Variants in PALM2AKAP2 observed in about 807,000 individuals in gnomAD.
PALM2AKAP2 encodes PALM2-AKAP2 fusion protein.
A neutral mutation model predicts 71.5 loss-of-function variants in PALM2AKAP2; 37 were observed. The observed-to-expected ratio is 0.52, with a 90% CI of 0.40 to 0.68. The LOEUF is 0.68. Among genes scored for constraint, PALM2AKAP2 ranks in the 30% least tolerant of loss-of-function variants. The pLI, the probability that PALM2AKAP2 is intolerant of heterozygous loss-of-function variation, is 0.00. For synonymous variants in PALM2AKAP2, 468 were observed against 478.8 expected (o/e 0.98, Z 0.29); for missense variants, 1,224 against 1,191.8 (o/e 1.03, Z -0.40).
chr9:109,961,510 TAGA>T (rs71961113), intron 6 of PALM2AKAP2, among the ~76,000 whole-genome samples: 36,411 of 152,100 alleles, frequency 0.24, 5,227 homozygotes, highest in East Asian at 0.7. Context: ...AGTGGCCACT[TAGA>T]AGAAAGATTT....
chr9:109,751,747 A>G (rs1828889226), intron 1 of PALM2AKAP2, among the ~76,000 whole-genome samples: 1 of 152,204 alleles, frequency 6.6e-6, no homozygotes. Context: ...CCGTTCAAAA[A>G]TGTCATCTGA....
At chr9:109,904,820 A>G (rs758369605) in intron 3 of PALM2AKAP2, among the ~76,000 whole-genome samples, 15 of 152,240 alleles carry the variant, frequency 9.9e-5, no homozygotes, top group Non-Finnish European at 2.1e-4. Context: ...CAAGTGGACT[A>G]TCAGATCATC....
At chr9:110,041,097 C>T (rs938800643) in intron 7 of PALM2AKAP2, among the ~76,000 whole-genome samples, 1 of 152,126 alleles carries the variant, frequency 6.6e-6, no homozygotes, top group Non-Finnish European at 1.5e-5. Flanking sequence ...TGGCTACATT[C>T]ATGTCATTAT....
At chr9:110,083,874 T>G (rs1834503362) in intron 1 of PALM2AKAP2, among the ~76,000 whole-genome samples, 2 of 152,212 alleles carry the variant, frequency 1.3e-5, no homozygotes. Context: ...TAACAAGTTT[T>G]CAGAAAGTAA....
exon 4 of PALM2AKAP2, chr9:110,170,877 C>G (rs1460399230): frequency 6.6e-6 from 1 of 152,482 alleles, no homozygotes; most frequent in Non-Finnish European, 1.5e-5. Flanking sequence ...GTTCCCAAAG[C>G]AGACACAGGG....
intron 1 of PALM2AKAP2, chr9:109,867,164 C>CTGTGTGTGTG (rs56194780): frequency 0.037 from 14,758 of 396,408 alleles, 295 homozygotes; most frequent in Admixed American, 0.078. Flanking sequence ...ACATGGTTCT[C>CTGTGTGTGTG]TGTGTGTGTG....
chr9:110,003,128 T>C (rs1355815294), intron 6 of PALM2AKAP2, among the ~76,000 whole-genome samples: 1 of 152,224 alleles, frequency 6.6e-6, no homozygotes, highest in African/African-American at 2.4e-5. Context: ...GATGTTAGGG[T>C]GTCAATTTTA....
At chr9:109,782,732 G>A (rs1244799314) in intron 1 of PALM2AKAP2, among the ~76,000 whole-genome samples, 3 of 143,914 alleles carry the variant, frequency 2.1e-5, no homozygotes, top group African/African-American at 8.2e-5. Context: ...TTTGCTAACA[G>A]CGTGTGTTTG....
At chr9:109,876,508 A>G (rs1587978606) in intron 2 of PALM2AKAP2, among the ~76,000 whole-genome samples, 2 of 151,950 alleles carry the variant, frequency 1.3e-5, no homozygotes, top group African/African-American at 4.8e-5. Flanking sequence ...AGACAGAGTC[A>G]TGCTCTGTTG....
At chr9:109,778,949 T>C (rs566407003), upstream of PALM2AKAP2, among the ~76,000 whole-genome samples, 15 of 152,042 alleles carry the variant, frequency 9.9e-5, no homozygotes, top group Non-Finnish European at 1.9e-4. Context: ...TTTGTATTTT[T>C]AGTAGAGAAG....
At chr9:110,130,418 G>A (rs1835707551) in intron 1 of PALM2AKAP2, among the ~76,000 whole-genome samples, 1 of 152,098 alleles carries the variant, frequency 6.6e-6, no homozygotes, top group Non-Finnish European at 1.5e-5. Context: ...GGAGACATAG[G>A]CACCTGTGTT....
chr9:110,048,928 G>T (rs1020750268), intron 1 of PALM2AKAP2: 1 of 1,411,202 alleles, frequency 7.1e-7, no homozygotes, highest in Non-Finnish European at 9.2e-7. Context: ...CGAGGAAGGG[G>T]TTGCCGAGGA....
intron 3 of PALM2AKAP2, among the ~76,000 whole-genome samples, chr9:109,903,166 G>T (rs1020964661): frequency 6.6e-6 from 1 of 152,078 alleles, no homozygotes; most frequent in Admixed American, 6.5e-5. Flanking sequence ...TGAGCCAGCC[G>T]CAGGGAGGAA....
chr9:109,745,123 T>A (rs1007129228), intron 1 of PALM2AKAP2, among the ~76,000 whole-genome samples: 27 of 152,182 alleles, frequency 1.8e-4, no homozygotes, highest in Non-Finnish European at 1.5e-5. Context: ...TTTCATAGAA[T>A]GGCAGGGCAT....
At chr9:110,113,363 C>T (rs559841594) in intron 1 of PALM2AKAP2, among the ~76,000 whole-genome samples, 34 of 151,636 alleles carry the variant, frequency 2.2e-4, no homozygotes, top group Admixed American at 1.6e-3. Context: ...TTCAGCCTCC[C>T]GGGTAGCTGG....
At chr9:109,709,671 A>G (rs1441621339) in intron 1 of PALM2AKAP2, among the ~76,000 whole-genome samples, 2 of 152,194 alleles carry the variant, frequency 1.3e-5, no homozygotes, top group Admixed American at 6.5e-5. Context: ...CTTTGGTAGC[A>G]TGAATAGAAA....
At chr9:109,850,892 T>C (rs1234929369) in intron 1 of PALM2AKAP2, among the ~76,000 whole-genome samples, 1 of 152,068 alleles carries the variant, frequency 6.6e-6, no homozygotes, top group Non-Finnish European at 1.5e-5. Flanking sequence ...AACTACCTGG[T>C]AGTGGCCGGG....
chr9:109,654,928 C>A (rs1376172620), intron 1 of PALM2AKAP2, among the ~76,000 whole-genome samples: 1 of 152,168 alleles, frequency 6.6e-6, no homozygotes, highest in Non-Finnish European at 1.5e-5. Flanking sequence ...AGATCAAAAT[C>A]CCCAATTTTC....
intron 3 of PALM2AKAP2, among the ~76,000 whole-genome samples, chr9:110,166,965 T>C (rs1377493623): frequency 6.6e-6 from 1 of 152,140 alleles, no homozygotes; most frequent in African/African-American, 2.4e-5. Context: ...GACTCACAGT[T>C]CCACATGGCT....
Sources: allele counts gnomAD v4.1 joint callset (sites outside exome capture counted in the v4.1 genomes callset), GRCh38; gene constraint gnomAD v4.1.1; transcripts MANE v1.5; gene names NCBI Gene and HGNC (gene_info 2026-07-23, HGNC 2026-07-21).